Variants in KCNG3 observed in about 807,000 individuals in gnomAD.
The protein encoded by KCNG3 is potassium voltage-gated channel modifier subfamily G member 3.
KCNG3 carries 15 observed loss-of-function variants against 29.0 expected under a neutral mutation model. That is an observed-to-expected ratio of 0.52 (90% CI 0.35 to 0.80). The LOEUF (loss-of-function observed/expected upper bound fraction) is 0.80, where lower values mean the gene tolerates loss of function less well. KCNG3 is among the 30% of genes least tolerant of loss of function. KCNG3 has a pLI of 0.01. For missense variants in KCNG3, 512 were observed against 605.7 expected (o/e 0.85, Z 1.62); for synonymous variants, 322 against 248.9 (o/e 1.29, Z -2.76).
chr2:42,447,617 G>A (rs956848078), intron 1 of KCNG3, among the ~76,000 whole-genome samples: 1 of 151,996 alleles, frequency 6.6e-6, no homozygotes, highest in Non-Finnish European at 1.5e-5. Context: ...CCAGGCTCAA[G>A]CGATCCTCCC....
intron 1 of KCNG3, among the ~76,000 whole-genome samples, chr2:42,453,226 T>C (rs181745062): frequency 8.5e-5 from 13 of 152,364 alleles, no homozygotes; most frequent in Admixed American, 7.8e-4. Context: ...AACAGTGGGA[T>C]TGCTGGATCA....
chr2:42,479,978 T>C (rs944542418), intron 1 of KCNG3, among the ~76,000 whole-genome samples: 4 of 152,202 alleles, frequency 2.6e-5, no homozygotes, highest in Non-Finnish European at 4.4e-5. Context: ...CATGCACCAT[T>C]GCACTCCAGC....
intron 1 of KCNG3, among the ~76,000 whole-genome samples, chr2:42,446,906 C>G (rs191178188): frequency 6.6e-6 from 1 of 151,676 alleles, no homozygotes; most frequent in African/African-American, 2.4e-5. Flanking sequence ...TTTGGGAGGC[C>G]AAGGTGGGAG....
the KCNG3 span, among the ~76,000 whole-genome samples, chr2:42,401,554 A>T: frequency 6.6e-6 from 1 of 152,016 alleles, no homozygotes; most frequent in East Asian, 1.9e-4. Flanking sequence ...CGATACTCCT[A>T]CCTCAGCCTT....
intron 1 of KCNG3, among the ~76,000 whole-genome samples, chr2:42,464,258 C>T (rs374353757): frequency 2.6e-5 from 4 of 152,130 alleles, no homozygotes; most frequent in South Asian, 4.1e-4. Flanking sequence ...TCCAAATGTA[C>T]ATTAAAACAA....
the KCNG3 span, among the ~76,000 whole-genome samples, chr2:42,390,790 C>A: frequency 6.6e-6 from 1 of 152,236 alleles, no homozygotes; most frequent in African/African-American, 2.4e-5. Context: ...CTCCCACCAG[C>A]ATTCACAGGC....
chr2:42,398,689 A>G, the KCNG3 span, among the ~76,000 whole-genome samples: 15 of 152,340 alleles, frequency 9.8e-5, no homozygotes, highest in Admixed American at 3.9e-4. Flanking sequence ...ATGCACACAA[A>G]GATGCGAGAG....
At chr2:42,485,206 C>A (rs1422553858) in intron 1 of KCNG3, among the ~76,000 whole-genome samples, 2 of 151,930 alleles carry the variant, frequency 1.3e-5, no homozygotes, top group African/African-American at 4.8e-5. Flanking sequence ...CAAAGCAATA[C>A]CAATTAAAGA....
chr2:42,435,545 A>C, the KCNG3 span, among the ~76,000 whole-genome samples: 3 of 152,228 alleles, frequency 2.0e-5, no homozygotes, highest in Non-Finnish European at 2.9e-5. Flanking sequence ...CTGTATCCAG[A>C]ATAAACAACT....
At chr2:42,396,927 A>G in the KCNG3 span, among the ~76,000 whole-genome samples, 1 of 152,248 alleles carries the variant, frequency 6.6e-6, no homozygotes, top group African/African-American at 2.4e-5. Context: ...TGAATAAACT[A>G]AAATAAAGCC....
chr2:42,424,059 C>A, the KCNG3 span, among the ~76,000 whole-genome samples: 22 of 152,166 alleles, frequency 1.4e-4, no homozygotes, highest in Admixed American at 5.9e-4. Context: ...CCCCCACCTC[C>A]AGCTTTGCAA....
chr2:42,416,473 A>G, the KCNG3 span, among the ~76,000 whole-genome samples: 1 of 152,176 alleles, frequency 6.6e-6, no homozygotes, highest in Admixed American at 6.5e-5. Flanking sequence ...CCTAAAGATC[A>G]TGAAAAACAC....
intron 1 of KCNG3, among the ~76,000 whole-genome samples, chr2:42,450,185 G>A (rs980464796): frequency 1.1e-4 from 17 of 152,178 alleles, no homozygotes; most frequent in Non-Finnish European, 1.9e-4. Flanking sequence ...AAATCCAAAT[G>A]GTGTGGAATA....
the KCNG3 span, among the ~76,000 whole-genome samples, chr2:42,425,456 C>T: frequency 6.7e-6 from 1 of 148,382 alleles, no homozygotes; most frequent in African/African-American, 2.5e-5. Context: ...AGTGGGGATG[C>T]GGGGTGTAGA....
At chr2:42,423,040 T>G in the KCNG3 span, among the ~76,000 whole-genome samples, 1 of 152,290 alleles carries the variant, frequency 6.6e-6, no homozygotes, top group African/African-American at 2.4e-5. Context: ...AAGCCAAGGA[T>G]TCCAAAATCC....
chr2:42,435,937 T>G, the KCNG3 span, among the ~76,000 whole-genome samples: 2 of 152,212 alleles, frequency 1.3e-5, no homozygotes, highest in African/African-American at 2.4e-5. Context: ...AATTTGTACA[T>G]GAATGTCATA....
chr2:42,426,010 C>T, the KCNG3 span, among the ~76,000 whole-genome samples: 6 of 152,304 alleles, frequency 3.9e-5, no homozygotes, highest in South Asian at 1.0e-3. Flanking sequence ...ATTAACTATT[C>T]AAATGTTCAA....
intron 1 of KCNG3, among the ~76,000 whole-genome samples, chr2:42,448,615 G>A (rs1243339677): frequency 6.6e-6 from 1 of 152,056 alleles, no homozygotes; most frequent in Non-Finnish European, 1.5e-5. Context: ...TGAATAACAT[G>A]GGTTTGATCA....
In KCNG3 at chr2:42,471,696, T is replaced by C. The variant is rs533626182; in HGVS notation, c.665+21141A>G. ...GCAATACAAACAACATGCAGATAAATGTTTTTAAACATTATGCTCATCAAA... is the reference window on the plus strand; with the variant it reads ...GCAATACAAACAACATGCAGATAAACGTTTTTAAACATTATGCTCATCAAA... On this transcript the variant is annotated intron_variant, in intron 1 of 1. Transcript: ENST00000306078. Among the ~76,000 whole-genome samples the C allele has an allele frequency of 4.6e-5, 7 of 152,006 alleles. No homozygotes were observed. In the South Asian group the frequency reaches 1.2e-3, roughly 27 times the overall value.
Sources: gnomAD v4.1 joint callset for allele counts (sites outside exome capture counted in the v4.1 genomes callset) on GRCh38, gnomAD v4.1.1 for gene constraint, MANE v1.5 for transcripts, NCBI Gene and HGNC (gene_info 2026-07-23, HGNC 2026-07-21) for gene names.